LCLAT1: variants seen among roughly 807,000 people sequenced by gnomAD.
The protein encoded by LCLAT1 is 1-AGP acyltransferase 8.
In LCLAT1, 11 loss-of-function variants were observed where a neutral mutation model predicts 30.7. The ratio of observed to expected loss-of-function variants is 0.36; its 90% CI spans 0.23 to 0.59. The LOEUF (loss-of-function observed/expected upper bound fraction) is 0.59. Ranked by LOEUF, LCLAT1 falls within the 20% of genes least tolerant of loss-of-function variation. The pLI is 0.77. For missense variants in LCLAT1, 402 were observed against 458.6 expected (o/e 0.88, Z 1.13); for synonymous variants, 155 against 151.3 (o/e 1.02, Z -0.18).
At chr2:30,612,794 T>C (rs946597405) in intron 5 of LCLAT1, among the ~76,000 whole-genome samples, 7 of 152,184 alleles carry the variant, frequency 4.6e-5, no homozygotes, top group African/African-American at 1.7e-4. Context: ...TTAGGCTCTC[T>C]GCCAAGAAGT....
At chr2:30,462,667 C>A (rs1032147701) in intron 1 of LCLAT1, among the ~76,000 whole-genome samples, 2 of 152,104 alleles carry the variant, frequency 1.3e-5, no homozygotes, top group Non-Finnish European at 2.9e-5. Context: ...AAGCTTTGTC[C>A]TTTGAAGCTA....
At chr2:30,552,049 AT>A (rs777346589) in intron 3 of LCLAT1, among the ~76,000 whole-genome samples, 4 of 152,306 alleles carry the variant, frequency 2.6e-5, no homozygotes, top group Non-Finnish European at 5.9e-5. Context: ...TTGGGGGATG[AT>A]TATTCTGCCT....
chr2:30,640,070 C>A, intron 5 of LCLAT1, 47 bp from the exon 6 acceptor site: 1 of 1,484,172 alleles, frequency 6.7e-7, no homozygotes, highest in South Asian at 1.3e-5. Flanking sequence ...CATTATCACC[C>A]AAATTGAGCA....
chr2:30,613,427 G>C (rs1053217573), intron 5 of LCLAT1, among the ~76,000 whole-genome samples: 2 of 151,976 alleles, frequency 1.3e-5, no homozygotes, highest in Non-Finnish European at 2.9e-5. Context: ...AAATTAGTGA[G>C]GTTGCAAAAA....
intron 3 of LCLAT1, among the ~76,000 whole-genome samples, chr2:30,558,251 G>A (rs1311064509): frequency 6.6e-6 from 1 of 152,022 alleles, no homozygotes; most frequent in Non-Finnish European, 1.5e-5. Flanking sequence ...TACACAAAAG[G>A]TTTGAAGAGG....
chr2:30,519,317 C>T (rs1685351981), intron 1 of LCLAT1, among the ~76,000 whole-genome samples: 3 of 152,184 alleles, frequency 2.0e-5, no homozygotes, highest in Non-Finnish European at 2.9e-5. Flanking sequence ...TGACTAAGAT[C>T]TACCGTGGAC....
chr2:30,490,761 G>C (rs1248666111), intron 1 of LCLAT1, among the ~76,000 whole-genome samples: 3 of 152,112 alleles, frequency 2.0e-5, no homozygotes, highest in African/African-American at 7.2e-5. Flanking sequence ...TGATTTTGTA[G>C]TCATCAGTAT....
At chr2:30,580,342 G>A (rs1379554810) in intron 5 of LCLAT1, among the ~76,000 whole-genome samples, 1 of 152,124 alleles carries the variant, frequency 6.6e-6, no homozygotes, top group Non-Finnish European at 1.5e-5. Flanking sequence ...TGCTGTCTAA[G>A]GTATCAGCGG....
At chr2:30,558,797 G>A (rs4951994) in intron 3 of LCLAT1, among the ~76,000 whole-genome samples, 19,321 of 152,042 alleles carry the variant, frequency 0.13, 1,360 homozygotes, top group South Asian at 0.23. Flanking sequence ...AAGAACTGGT[G>A]CTATCTACTG....
At chr2:30,541,521 A>G (rs1471066595) in intron 3 of LCLAT1, among the ~76,000 whole-genome samples, 1 of 152,210 alleles carries the variant, frequency 6.6e-6, no homozygotes, top group Non-Finnish European at 1.5e-5. Context: ...TTGAAATGTC[A>G]CATTTTATCA....
chr2:30,471,433 C>T (rs1317473669), intron 1 of LCLAT1, among the ~76,000 whole-genome samples: 1 of 152,128 alleles, frequency 6.6e-6, no homozygotes, highest in Non-Finnish European at 1.5e-5. Context: ...TGGTCTTGAA[C>T]TCCTGACCTC....
chr2:30,598,111 A>G (rs764672218), intron 5 of LCLAT1, among the ~76,000 whole-genome samples: 6 of 151,996 alleles, frequency 3.9e-5, no homozygotes, highest in South Asian at 2.1e-4. Flanking sequence ...TCTTTTTTTG[A>G]TATATCTCTG....
At chr2:30,588,963 A>G (rs1383765665) in intron 5 of LCLAT1, among the ~76,000 whole-genome samples, 1 of 152,240 alleles carries the variant, frequency 6.6e-6, no homozygotes, top group Non-Finnish European at 1.5e-5. Flanking sequence ...AATCCAGTCA[A>G]ATAAAATTGC....
intron 5 of LCLAT1, among the ~76,000 whole-genome samples, chr2:30,586,794 G>A (rs1460586364): frequency 1.3e-5 from 2 of 151,870 alleles, no homozygotes; most frequent in African/African-American, 4.8e-5. Context: ...CTTATTGTCA[G>A]CATTTAATAT....
intron 5 of LCLAT1, among the ~76,000 whole-genome samples, chr2:30,613,321 T>G (rs1667828945): frequency 6.6e-6 from 1 of 152,132 alleles, no homozygotes; most frequent in Non-Finnish European, 1.5e-5. Flanking sequence ...GCTGTAATGT[T>G]AAGAAAAATC....
chr2:30,464,768 A>G (rs1682334895), intron 1 of LCLAT1, among the ~76,000 whole-genome samples: 2 of 152,248 alleles, frequency 1.3e-5, no homozygotes, highest in Admixed American at 1.3e-4. Context: ...TAGGGTCAGA[A>G]GGCCTATGAC....
At chr2:30,629,650 T>C (rs529484679) in intron 5 of LCLAT1, among the ~76,000 whole-genome samples, 15 of 152,360 alleles carry the variant, frequency 9.8e-5, no homozygotes, top group East Asian at 1.9e-4. Flanking sequence ...AGCACTGTTA[T>C]ACATTTTTGG....
At position 30,493,919 on chromosome 2, in the gene LCLAT1, G is replaced by A. The variant is rs757296621; in HGVS notation, c.-4-31668G>A. 4.4e-4 allele frequency among the ~76,000 whole-genome samples: 67 copies of A among 152,230 alleles called. 1 individual carries two copies. The highest frequency in any genetic ancestry group is 2.5e-3 in the South Asian group (12 of 4,824). Reference sequence around the variant, plus strand: ...CTATAACCCAACAATTTCAGAGGCCGAGGTGGTAGGATCTCTTGAGGTCAG... The same window carrying A: ...CTATAACCCAACAATTTCAGAGGCCAAGGTGGTAGGATCTCTTGAGGTCAG... On this transcript the variant is annotated intron_variant, in intron 1 of 5. Coordinates refer to ENST00000379509, the MANE Select transcript of LCLAT1 (RefSeq NM_001002257.3).
intron 5 of LCLAT1, among the ~76,000 whole-genome samples, chr2:30,570,239 CT>C (rs1159994902): frequency 6.6e-6 from 1 of 152,146 alleles, no homozygotes; most frequent in Non-Finnish European, 1.5e-5. Flanking sequence ...GACAGCTGGT[CT>C]CCCCAACATC....
Sources: allele counts gnomAD v4.1 joint callset (sites outside exome capture counted in the v4.1 genomes callset), GRCh38; gene constraint gnomAD v4.1.1; transcripts MANE v1.5; gene names NCBI Gene and HGNC (gene_info 2026-07-23, HGNC 2026-07-21).